SETD3: variants seen among roughly 807,000 people sequenced by gnomAD.
SETD3 encodes SET domain containing 3, actin N3(tau)-histidine methyltransferase.
SETD3 carries 19 observed loss-of-function variants against 63.0 expected under a neutral mutation model. The observed-to-expected ratio is 0.30, with a 90% CI of 0.21 to 0.44. The LOEUF is 0.44. SETD3 is among the 20% of genes least tolerant of loss of function. The pLI, the probability that SETD3 is intolerant of heterozygous loss-of-function variation, is 1.00. For missense variants in SETD3, 587 were observed against 728.5 expected (o/e 0.81, Z 2.24); for synonymous variants, 286 against 264.1 (o/e 1.08, Z -0.80).
At chr14:99,414,245 G>GATGAGC (rs968020362) in intron 6 of SETD3, among the ~76,000 whole-genome samples, 11 of 152,232 alleles carry the variant, frequency 7.2e-5, no homozygotes, top group Non-Finnish European at 1.3e-4. Context: ...ACGCCTACGC[G>GATGAGC]ATGAGCACTG....
intron 6 of SETD3, among the ~76,000 whole-genome samples, chr14:99,420,083 G>A (rs1892505169): frequency 6.6e-6 from 1 of 152,194 alleles, no homozygotes; most frequent in South Asian, 2.1e-4. Flanking sequence ...AAGGATGGTA[G>A]GCAAGGTCAT....
intron 6 of SETD3, among the ~76,000 whole-genome samples, chr14:99,435,975 T>C (rs1254691389): frequency 2.6e-5 from 4 of 152,060 alleles, no homozygotes; most frequent in African/African-American, 7.2e-5. Flanking sequence ...TTCAGCATGG[T>C]TGGGGAGGCC....
chr14:99,454,408 C>T (rs10145484), intron 6 of SETD3, among the ~76,000 whole-genome samples: 76,226 of 151,862 alleles, frequency 0.5, 19,696 homozygotes, highest in Non-Finnish European at 0.58. Context: ...GAGCTTGTGA[C>T]GAGTCACTAT....
At chr14:99,416,254 C>CAA (rs1892286070) in intron 6 of SETD3, among the ~76,000 whole-genome samples, 7 of 151,892 alleles carry the variant, frequency 4.6e-5, no homozygotes, top group Admixed American at 6.6e-5. Context: ...AACCTTTTTT[C>CAA]CCTGTTGAAG....
intron 6 of SETD3, among the ~76,000 whole-genome samples, chr14:99,435,070 T>C (rs1020863159): frequency 1.3e-5 from 2 of 152,058 alleles, no homozygotes; most frequent in Non-Finnish European, 2.9e-5. Context: ...ATTAACAAAG[T>C]AGTCAAAGGC....
chr14:99,403,506 T>C lies in SETD3; in HGVS notation c.1177+719A>G, dbSNP rs898359120. On this transcript the variant is annotated intron_variant, in intron 11 of 12. Transcript: ENST00000331768. ...TCTCTCTCTTTCTCTCTCTTAAAAA[T>C]GAAACCTCAGGGCCAGGAAATTTGT... 1.1e-4 allele frequency among the ~76,000 whole-genome samples: 16 copies of C among 141,798 alleles called. No homozygotes were observed. The Middle Eastern group carries it at 0.015, about 133-fold the overall frequency. 93.0% of individuals were successfully genotyped at this position (141,798 alleles called of 152,430 possible). A position where few individuals can be genotyped will look rare whatever the true frequency, so the allele number is the denominator to read the frequency against.
intron 6 of SETD3, among the ~76,000 whole-genome samples, chr14:99,453,168 GC>G (rs1183860051): frequency 6.6e-6 from 1 of 152,200 alleles, no homozygotes; most frequent in Non-Finnish European, 1.5e-5. Flanking sequence ...ACTAAAAGGA[GC>G]AAAGGCCTAA....
At chr14:99,415,101 TGTTA>T (rs1392070283) in intron 6 of SETD3, among the ~76,000 whole-genome samples, 1 of 152,222 alleles carries the variant, frequency 6.6e-6, no homozygotes, top group African/African-American at 2.4e-5. Flanking sequence ...GCCAATTAAG[TGTTA>T]GTTTTGCTAA....
At chr14:99,472,570 AT>A (rs1414514769) in intron 1 of SETD3, among the ~76,000 whole-genome samples, 3 of 152,242 alleles carry the variant, frequency 2.0e-5, no homozygotes, top group South Asian at 2.1e-4. Flanking sequence ...CATGAAAAAA[AT>A]ATATTAAACA....
chr14:99,414,298 T>C (rs1321171210), intron 6 of SETD3, among the ~76,000 whole-genome samples: 3 of 152,276 alleles, frequency 2.0e-5, no homozygotes, highest in Non-Finnish European at 4.4e-5. Context: ...AGGTCCATCC[T>C]GGCCCCGCTC....
At chr14:99,414,786 T>TAAAC (rs1892200793) in intron 6 of SETD3, among the ~76,000 whole-genome samples, 1 of 152,144 alleles carries the variant, frequency 6.6e-6, no homozygotes, top group Non-Finnish European at 1.5e-5. Flanking sequence ...TACAGTCTGA[T>TAAAC]AGATTGTAGT....
rs187083399 is a variant in SETD3, at chr14:99,422,413, T to C, written c.676-8479A>G. ...CATTATCTTTTTGGCTACTTTCAACTCTCCTTATTGTCATGTTGTTAGGGA... is the reference window on the plus strand; with the variant it reads ...CATTATCTTTTTGGCTACTTTCAACCCTCCTTATTGTCATGTTGTTAGGGA... On this transcript the variant is annotated intron_variant, in intron 6 of 12. Transcript: ENST00000331768. Among the ~76,000 whole-genome samples the C allele has an allele frequency of 5.6e-4, 85 of 152,314 alleles. 1 individual carries two copies. In the South Asian group the frequency reaches 7.0e-3, roughly 13 times the overall value.
At chr14:99,454,698 A>C (rs748336254) in intron 6 of SETD3, among the ~76,000 whole-genome samples, 23 of 152,130 alleles carry the variant, frequency 1.5e-4, no homozygotes, top group Non-Finnish European at 3.4e-4. Context: ...GGAGTCAGGC[A>C]CTCCATTAGC....
chr14:99,440,716 C>T (rs1893756151), intron 6 of SETD3, among the ~76,000 whole-genome samples: 1 of 149,750 alleles, frequency 6.7e-6, no homozygotes, highest in Admixed American at 6.7e-5. Context: ...GGTAAGAGGC[C>T]TTGTAGGGAA....
At chr14:99,429,340 C>A (rs1193963649) in intron 6 of SETD3, among the ~76,000 whole-genome samples, 1 of 152,110 alleles carries the variant, frequency 6.6e-6, no homozygotes, top group Non-Finnish European at 1.5e-5. Flanking sequence ...AGAACACAGA[C>A]ACAGGAGGCA....
intron 10 of SETD3, among the ~76,000 whole-genome samples, chr14:99,404,920 G>A (rs1311204014): frequency 6.6e-6 from 1 of 152,166 alleles, no homozygotes; most frequent in Non-Finnish European, 1.5e-5. Context: ...CCTTTTCAAG[G>A]TGAAAGACAT....
chr14:99,417,680 T>A (rs556919424), intron 6 of SETD3, among the ~76,000 whole-genome samples: 6 of 152,256 alleles, frequency 3.9e-5, no homozygotes, highest in African/African-American at 7.2e-5. Context: ...TGTGAATCCC[T>A]AATTCAGAAA....
At position 99,459,128 on chromosome 14, in the gene SETD3, T is replaced by C; in HGVS notation, c.403A>G (p.Lys135Glu). The C allele has an allele frequency of 6.2e-7, 1 of 1,610,172 alleles. No individual in the cohort carries two copies. Among genetic ancestry groups the C allele is most frequent in the Non-Finnish European group, 8.5e-7 (1 of 1,178,580 alleles). The part of the protein sequence containing the change: ...RKLLMTVESA[K>E]NSVLGPLYSQ... ...TTATTCTCACCCAACACTGAATTTT[T>C]AGCAGATTCAACAGTCATTAGCAAT... Residue 135 changes from lysine (K) to glutamate (E), a missense_variant, in exon 5 of 13, where the codon AAA (lysine) becomes GAA (glutamate). Lys to Glu is a moderately conservative substitution (Grantham distance 56). Coordinates refer to ENST00000331768, the MANE Select transcript of SETD3 (RefSeq NM_032233.3).
At chr14:99,419,627 T>C (rs909187724) in intron 6 of SETD3, among the ~76,000 whole-genome samples, 1 of 151,604 alleles carries the variant, frequency 6.6e-6, no homozygotes, top group Non-Finnish European at 1.5e-5. Flanking sequence ...TACAAAAAAT[T>C]AGCCGGGCGT....
Sources: allele counts gnomAD v4.1 joint callset (sites outside exome capture counted in the v4.1 genomes callset), GRCh38; gene constraint gnomAD v4.1.1; transcripts MANE v1.5; gene names NCBI Gene and HGNC (gene_info 2026-07-23, HGNC 2026-07-21).